The following IQCH variants were observed in gnomAD, a reference collection of about 807,000 sequenced individuals.
IQCH encodes the protein IQ motif containing H.
A neutral mutation model predicts 117.0 loss-of-function variants in IQCH; 98 were observed. The ratio of observed to expected loss-of-function variants is 0.84; its 90% CI spans 0.71 to 0.99. The LOEUF (loss-of-function observed/expected upper bound fraction) is 0.99, where lower values mean the gene tolerates loss of function less well. Among genes scored for constraint, IQCH ranks in the 50% least tolerant of loss-of-function variants. IQCH has a pLI of 0.00. For synonymous variants in IQCH, 412 were observed against 448.2 expected (o/e 0.92, Z 1.02); for missense variants, 1,102 against 1,243.8 (o/e 0.89, Z 1.72).
chr15:67,462,121 G>A (rs559181365), intron 16 of IQCH, among the ~76,000 whole-genome samples: 4 of 151,424 alleles, frequency 2.6e-5, no homozygotes, highest in South Asian at 2.1e-4. Flanking sequence ...GAGCCACTGC[G>A]CCCGGCCTAC....
At chr15:67,451,808 A>G (rs1269932661) in intron 16 of IQCH, among the ~76,000 whole-genome samples, 1 of 152,080 alleles carries the variant, frequency 6.6e-6, no homozygotes, top group Non-Finnish European at 1.5e-5. Flanking sequence ...CGATCTGTCT[A>G]ATGTTGACAG....
chr15:67,263,821 C>G (rs898721038), intron 3 of IQCH, among the ~76,000 whole-genome samples: 2 of 152,040 alleles, frequency 1.3e-5, no homozygotes, highest in Non-Finnish European at 2.9e-5. Flanking sequence ...TATGTGCATC[C>G]TAAGAGATGA....
chr15:67,287,904 G>A (rs1966622229), intron 4 of IQCH, among the ~76,000 whole-genome samples: 1 of 151,724 alleles, frequency 6.6e-6, no homozygotes, highest in Non-Finnish European at 1.5e-5. Context: ...TCTTAGCATT[G>A]CCTTCACTAT....
At chr15:67,284,780 ACAT>A (rs1966497933) in intron 4 of IQCH, among the ~76,000 whole-genome samples, 1 of 152,174 alleles carries the variant, frequency 6.6e-6, no homozygotes. Flanking sequence ...CCTGCAAAAT[ACAT>A]GGTCTCATTC....
chr15:67,287,808 A>G (rs1449891536), intron 4 of IQCH, among the ~76,000 whole-genome samples: 1 of 151,586 alleles, frequency 6.6e-6, no homozygotes, highest in African/African-American at 2.4e-5. Context: ...TTGATTTTCT[A>G]GTTCTTTAAG....
intron 4 of IQCH, among the ~76,000 whole-genome samples, chr15:67,312,917 G>C (rs1172723541): frequency 6.6e-6 from 1 of 152,056 alleles, no homozygotes; most frequent in Non-Finnish European, 1.5e-5. Flanking sequence ...TTGAATTCAA[G>C]TATACATTCC....
At chr15:67,362,368 T>A (rs753557238) in intron 8 of IQCH, among the ~76,000 whole-genome samples, 11 of 152,148 alleles carry the variant, frequency 7.2e-5, no homozygotes, top group Non-Finnish European at 1.6e-4. Context: ...TGTTGTAAAA[T>A]TTATATTGGT....
rs531824485 is a variant in IQCH at position 67,457,965 on chromosome 15, A to G, written c.2506-7162A>G. ...GCTGCCTCTGCCTTGTCCCCTGGGG[A>G]AGGCCTCAGGTCCTATAGACCTCAC... On this transcript the variant is annotated intron_variant, in intron 16 of 20. Transcript: ENST00000335894. The surrounding 1 kb of genome is among the most constrained non-coding windows in gnomAD (Gnocchi z 5.7). Among the ~76,000 whole-genome samples the G allele has an allele frequency of 7.9e-4, 92 of 116,244 alleles. No individual in the cohort carries two copies. Among genetic ancestry groups the G allele is most frequent in the Non-Finnish European group, 1.5e-3 (79 of 51,884 alleles). 76.3% of individuals were successfully genotyped at this position (116,244 alleles called of 152,430 possible).
chr15:67,464,819 T>C (rs1440612148), intron 16 of IQCH, among the ~76,000 whole-genome samples: 2 of 152,216 alleles, frequency 1.3e-5, no homozygotes, highest in Non-Finnish European at 2.9e-5. Context: ...CCACCTGCAC[T>C]GACCTGCAGG....
In IQCH at chr15:67,494,403, C is replaced by G. The variant is rs766641583; in HGVS notation, c.2970+37C>G. ...ATTAACTAACGATTCTGGTTAATTT[C>G]TATACAAGGGCTGAAAATACCTCAT... On this transcript the variant is annotated intron_variant, in intron 20 of 20. Coordinates refer to ENST00000335894, the MANE Select transcript of IQCH (RefSeq NM_001031715.3). This position sits in a 1 kb window ranked among gnomAD's most constrained non-coding sequence, Gnocchi z 5.5. 1.4e-6 allele frequency: 2 copies of G among 1,404,422 alleles called. No homozygotes were observed. Among genetic ancestry groups the G allele is most frequent in the South Asian group, 2.4e-5 (2 of 81,942 alleles). The allele number at this position is 1,404,422 out of a possible 1,614,324, so 87.0% of individuals were successfully genotyped here.
rs1309366658 is a variant in IQCH, at chr15:67,416,316, G to T, written c.2098-615G>T. ...GCGGATCACCTGAGGTCGGGAGTTT[G>T]AGACCAGCCTGACCAACATGGAGAA... On this transcript the variant is annotated intron_variant, in intron 14 of 20. Transcript: ENST00000335894. This position sits in a 1 kb window ranked among gnomAD's most constrained non-coding sequence, Gnocchi z 5.1. Among the ~76,000 whole-genome samples, 1 of 152,024 alleles carries T rather than the reference G, an allele frequency of 6.6e-6. No homozygotes were observed. Among genetic ancestry groups the T allele is most frequent in the East Asian group, 1.9e-4 (1 of 5,182 alleles).
In IQCH at chr15:67,390,445, A is replaced by C. The variant is rs1971247744; in HGVS notation, c.1632+1439A>C. 6.6e-6 allele frequency among the ~76,000 whole-genome samples: 1 copy of C among 152,112 alleles called. No individual in the cohort carries two copies. The highest frequency in any genetic ancestry group is 6.6e-5 in the Admixed American group (1 of 15,264). ...AAGGGGCACTAGATTGGGGAGAAAA[A>C]AAGTGAGAAAACTAACATTTTTCAA... On this transcript the variant is annotated intron_variant, in intron 12 of 20. Coordinates refer to ENST00000335894, the MANE Select transcript of IQCH (RefSeq NM_001031715.3). This position sits in a 1 kb window ranked among gnomAD's most constrained non-coding sequence, Gnocchi z 5.0.
chr15:67,383,427 C>A (rs1297217535), intron 10 of IQCH, among the ~76,000 whole-genome samples: 1 of 152,126 alleles, frequency 6.6e-6, no homozygotes, highest in African/African-American at 2.4e-5. Flanking sequence ...GATCAGACAT[C>A]TTTTATATTT....
intron 3 of IQCH, among the ~76,000 whole-genome samples, chr15:67,273,852 G>A (rs1218999824): frequency 6.6e-6 from 1 of 152,096 alleles, no homozygotes; most frequent in Non-Finnish European, 1.5e-5. Context: ...TGTAACATGG[G>A]TCTGGTGGTG....
rs2081572034 is a variant in IQCH, at chr15:67,416,216, C to G, written c.2098-715C>G. Among the ~76,000 whole-genome samples, 1 of 151,928 alleles carries G rather than the reference C, an allele frequency of 6.6e-6. No homozygotes were observed. The highest frequency in any genetic ancestry group is 1.9e-4 in the East Asian group (1 of 5,178). On this transcript the variant is annotated intron_variant, in intron 14 of 20. Transcript: ENST00000335894. This position sits in a 1 kb window ranked among gnomAD's most constrained non-coding sequence, Gnocchi z 5.1. ...TGACCAACATGGTGAAACCCTATCT[C>G]TACTAAAAATACAAAATTAGGCTGG... is the stretch of plus-strand genomic sequence containing the variant.
At chr15:67,396,892 A>G (rs1449211661) in intron 13 of IQCH, among the ~76,000 whole-genome samples, 1 of 152,196 alleles carries the variant, frequency 6.6e-6, no homozygotes, top group Non-Finnish European at 1.5e-5. Context: ...CTCTTGTTAG[A>G]GTATTCTTGG....
intron 6 of IQCH, among the ~76,000 whole-genome samples, chr15:67,349,705 A>G (rs1969568847): frequency 6.6e-6 from 1 of 152,134 alleles, no homozygotes; most frequent in African/African-American, 2.4e-5. Context: ...ACATATAAAG[A>G]CTCTTAAAAC....
rs1014790929 is a variant in IQCH at position 67,467,683 on chromosome 15, G to A, written c.2676+2386G>A. Among the ~76,000 whole-genome samples, 5 of 152,134 alleles carry A rather than the reference G, an allele frequency of 3.3e-5. No individual in the cohort carries two copies. The highest frequency in any genetic ancestry group is 9.7e-5 in the African/African-American group (4 of 41,428). On this transcript the variant is annotated intron_variant, in intron 17 of 20. Coordinates refer to ENST00000335894, the MANE Select transcript of IQCH (RefSeq NM_001031715.3). The surrounding 1 kb of genome is among the most constrained non-coding windows in gnomAD (Gnocchi z 5.7). ...AAAAGAAGCATGTGCACATGCACAC[G>A]CGGTACAACTCACAAGCAAATCGAA...
intron 4 of IQCH, among the ~76,000 whole-genome samples, chr15:67,283,106 TA>T (rs1292143246): frequency 6.6e-6 from 1 of 152,192 alleles, no homozygotes; most frequent in Non-Finnish European, 1.5e-5. Flanking sequence ...TTTTGCTTAT[TA>T]AAATACTAAT....
Sources: gnomAD v4.1 joint callset for allele counts (sites outside exome capture counted in the v4.1 genomes callset) on GRCh38, gnomAD v4.1.1 for gene constraint, Gnocchi (gnomAD v3.1) non-coding constraint, MANE v1.5 for transcripts, NCBI Gene and HGNC (gene_info 2026-07-23, HGNC 2026-07-21) for gene names.